The following CORIN variants were observed in gnomAD, a reference collection of about 807,000 sequenced individuals.
The protein encoded by CORIN is corin, serine peptidase, also known as atrial natriuretic peptide-converting enzyme.
In CORIN, 117 loss-of-function variants were observed where a neutral mutation model predicts 125.3. The ratio of observed to expected loss-of-function variants is 0.93; its 90% CI spans 0.80 to 1.09. The LOEUF (loss-of-function observed/expected upper bound fraction) is 1.09, where lower values mean the gene tolerates loss of function less well. Among genes scored for constraint, CORIN ranks in the 50% least tolerant of loss-of-function variants. CORIN has a pLI of 0.00. For synonymous variants in CORIN, 450 were observed against 466.4 expected, an observed-to-expected ratio of 0.96 and a Z score of 0.45; for missense variants, 1,253 against 1,306.7, an observed-to-expected ratio of 0.96 and a Z score of 0.63.
At chr4:47,728,848 G>A (rs2109810042) in intron 5 of CORIN, among the ~76,000 whole-genome samples, 1 of 152,270 alleles carries the variant, frequency 6.6e-6, no homozygotes, top group South Asian at 2.1e-4. Flanking sequence ...TTGAGCTTCT[G>A]AGCTATCAAC....
rs370765637 is a variant in CORIN, at chr4:47,837,928, C to T, written c.22G>A (p.Ala8Thr). The T allele has an allele frequency of 1.2e-5, 20 of 1,613,468 alleles. 1 individual carries two copies. The highest frequency in any genetic ancestry group is 1.5e-5 in the Non-Finnish European group (18 of 1,180,042). The change falls in exon 1 of 22, where the codon GCT becomes ACT. Residue 8 changes from alanine (A) to threonine (T), a missense_variant. Coordinates refer to ENST00000273857, the MANE Select transcript of CORIN (RefSeq NM_006587.4). ...GCTCTGCGGCAGCGCTCTTCCGGAG[C>T]GAGGGCAGGAGACTGTTTCATGGAT... MKQSPAL[A>T]PEERCRRAGS...
chr4:47,603,732 GTA>G, intron 19 of CORIN, 64 bp from the exon 20 acceptor site: 1 of 1,535,548 alleles, frequency 6.5e-7, no homozygotes, highest in Non-Finnish European at 8.8e-7. Flanking sequence ...AAATTCACAT[GTA>G]ATTTTAAAAC....
At chr4:47,781,383 T>C (rs1287413498) in intron 3 of CORIN, among the ~76,000 whole-genome samples, 5 of 152,186 alleles carry the variant, frequency 3.3e-5, no homozygotes, top group Non-Finnish European at 7.4e-5. Context: ...CATATAACCA[T>C]TCTGTTTTTC....
intron 5 of CORIN, among the ~76,000 whole-genome samples, chr4:47,736,362 C>T (rs1728134841): frequency 1.3e-5 from 2 of 152,144 alleles, no homozygotes; most frequent in Admixed American, 6.5e-5. Flanking sequence ...TCAAGTACAA[C>T]TAGAAAAGCC....
At chr4:47,632,740 TAGATAGATA>T in intron 16 of CORIN, among the ~76,000 whole-genome samples, 1 of 110,220 alleles carries the variant, frequency 9.1e-6, no homozygotes, top group South Asian at 2.6e-4. Flanking sequence ...GATAGATAGA[TAGATAGATA>T]GATAGATAGA....
At chr4:47,743,755 T>C (rs901276127) in intron 5 of CORIN, among the ~76,000 whole-genome samples, 1 of 152,018 alleles carries the variant, frequency 6.6e-6, no homozygotes, top group Admixed American at 6.6e-5. Context: ...CATGATGGCG[T>C]GCACCTATAA....
intron 3 of CORIN, among the ~76,000 whole-genome samples, chr4:47,772,197 C>G (rs745790556): frequency 3.9e-5 from 6 of 152,172 alleles, no homozygotes; most frequent in African/African-American, 1.4e-4. Context: ...TAAGTAAAGG[C>G]TCATAACCTG....
chr4:47,806,966 G>C lies in CORIN; in HGVS notation c.145C>G (p.Leu49Val), dbSNP rs763386848. The C allele has an allele frequency of 1.1e-5, 18 of 1,613,768 alleles. No homozygotes were observed. The Admixed American group carries it at 2.0e-4, about 18-fold the overall frequency. ...ATANLLRFLL[L>V]VLIPCICALV... ...GCACAGATACATGGAATCAGGACCA[G>C]CAATAGGAACCGGAGGAGGTTAGCA... Residue 49 changes from leucine to valine, a missense_variant, in exon 2 of 22, where the codon CTG becomes GTG. Coordinates refer to ENST00000273857, the MANE Select transcript of CORIN (RefSeq NM_006587.4).
At chr4:47,808,346 T>C (rs1197453619) in intron 1 of CORIN, among the ~76,000 whole-genome samples, 1 of 152,232 alleles carries the variant, frequency 6.6e-6, no homozygotes, top group African/African-American at 2.4e-5. Flanking sequence ...AATGGCCCTG[T>C]AATATTCTCA....
chr4:47,663,166 A>C (rs995867285), intron 11 of CORIN, among the ~76,000 whole-genome samples: 3 of 152,130 alleles, frequency 2.0e-5, no homozygotes, highest in African/African-American at 7.2e-5. Flanking sequence ...CCACAAGTCC[A>C]GGGGGCGCTG....
At chr4:47,610,942 T>C (rs1210544054) in intron 19 of CORIN, among the ~76,000 whole-genome samples, 1 of 152,046 alleles carries the variant, frequency 6.6e-6, no homozygotes, top group Non-Finnish European at 1.5e-5. Flanking sequence ...TTCTGTTCCA[T>C]TGGTCTATGT....
Position 47,837,916 on chromosome 4 carries a change from G to A in CORIN, c.34C>T (p.Arg12Cys). The A allele has an allele frequency of 3.1e-6, 5 of 1,613,688 alleles. No individual in the cohort carries two copies. Among genetic ancestry groups the A allele is most frequent in the Non-Finnish European group, 3.4e-6 (4 of 1,180,022 alleles). Residue 12 changes from arginine to cysteine, a missense_variant, in exon 1 of 22, where the codon CGC becomes TGC. Physicochemically the swap from Arg to Cys is radical, Grantham distance 180. Transcript: ENST00000273857. ...TTTGGGGACCCGGCTCTGCGGCAGCGCTCTTCCGGAGCGAGGGCAGGAGAC... is the reference window on the plus strand; with the variant it reads ...TTTGGGGACCCGGCTCTGCGGCAGCACTCTTCCGGAGCGAGGGCAGGAGAC... The part of the protein sequence containing the change: ...KQSPALAPEE[R>C]CRRAGSPKPV...
chr4:47,828,013 T>C (rs1732815768), intron 1 of CORIN, among the ~76,000 whole-genome samples: 1 of 152,214 alleles, frequency 6.6e-6, no homozygotes, highest in Non-Finnish European at 1.5e-5. Flanking sequence ...ATCAGTCTTT[T>C]GGGGTTGAAC....
At chr4:47,807,366 G>T (rs898766669) in intron 1 of CORIN, among the ~76,000 whole-genome samples, 5 of 152,118 alleles carry the variant, frequency 3.3e-5, no homozygotes, top group African/African-American at 1.2e-4. Context: ...AATGACCATG[G>T]CAAAACCTTA....
chr4:47,725,840 T>C (rs888636291), intron 5 of CORIN, among the ~76,000 whole-genome samples: 2 of 152,020 alleles, frequency 1.3e-5, no homozygotes, highest in Non-Finnish European at 2.9e-5. Context: ...TCCCAAATCA[T>C]ATATTGAACA....
In CORIN at chr4:47,838,033, C is replaced by A; in HGVS notation, c.-84G>T. Reference sequence around the variant, plus strand: ...CTACGTGTCCCCCGGGGAGGCACTACGGATGATTTTCTCCAAGCTCAAGAG... The same window carrying A: ...CTACGTGTCCCCCGGGGAGGCACTAAGGATGATTTTCTCCAAGCTCAAGAG... On this transcript the variant is annotated 5_prime_UTR_variant, in exon 1 of 22. Coordinates refer to ENST00000273857, the MANE Select transcript of CORIN (RefSeq NM_006587.4). 1 of 1,583,770 alleles carries A rather than the reference C, an allele frequency of 6.3e-7. No individual in the cohort carries two copies. Among genetic ancestry groups the A allele is most frequent in the Non-Finnish European group, 8.5e-7 (1 of 1,172,688 alleles).
intron 5 of CORIN, among the ~76,000 whole-genome samples, chr4:47,725,988 T>C (rs1481818657): frequency 4.6e-5 from 7 of 152,080 alleles, no homozygotes; most frequent in Non-Finnish European, 2.9e-5. Context: ...GATATTCCGA[T>C]GGCAAGTAAG....
chr4:47,604,807 C>T (rs1387129414), intron 19 of CORIN, among the ~76,000 whole-genome samples: 1 of 152,154 alleles, frequency 6.6e-6, no homozygotes, highest in African/African-American at 2.4e-5. Context: ...ATTTTCCTTA[C>T]TATCAGGATA....
chr4:47,721,869 G>T (rs1229607407), intron 5 of CORIN, among the ~76,000 whole-genome samples: 5 of 152,054 alleles, frequency 3.3e-5, no homozygotes, highest in Non-Finnish European at 5.9e-5. Context: ...GCAAAGTCTG[G>T]CCATCGTTTC....
Sources: gnomAD v4.1 joint callset for allele counts (sites outside exome capture counted in the v4.1 genomes callset) on GRCh38, gnomAD v4.1.1 for gene constraint, MANE v1.5 for transcripts, NCBI Gene and HGNC (gene_info 2026-07-23, HGNC 2026-07-21) for gene names.